The following ATP2C1 variants were observed in gnomAD, a reference collection of about 807,000 sequenced individuals.
ATP2C1 encodes ATPase secretory pathway Ca2+ transporting 1, also known as calcium-transporting ATPase type 2C member 1.
In ATP2C1, 31 loss-of-function variants were observed where a neutral mutation model predicts 120.5. The observed-to-expected ratio is 0.26, with a 90% CI of 0.19 to 0.35. The LOEUF (loss-of-function observed/expected upper bound fraction) is 0.35, where lower values mean the gene tolerates loss of function less well. Ranked by LOEUF, ATP2C1 falls within the 10% of genes least tolerant of loss-of-function variation. The probability of loss-of-function intolerance (pLI) is 1.00; values close to 1 mark genes in which losing one functional copy is unlikely to be tolerated. For synonymous variants in ATP2C1, 351 were observed against 358.7 expected, an observed-to-expected ratio of 0.98 and a Z score of 0.24; for missense variants, 731 against 1,107.5, an observed-to-expected ratio of 0.66 and a Z score of 4.83.
upstream of ATP2C1, among the ~76,000 whole-genome samples, chr3:130,892,411 A>G (rs938218624): frequency 8.5e-5 from 13 of 152,270 alleles, no homozygotes; most frequent in African/African-American, 3.1e-4. Context: ...CATTGTGTAG[A>G]CAAAAATCAC....
intron 20 of ATP2C1, among the ~76,000 whole-genome samples, chr3:130,989,583 A>T (rs889079799): frequency 7.0e-6 from 1 of 142,450 alleles, no homozygotes; most frequent in African/African-American, 2.6e-5. Context: ...AAAAAAAAAA[A>T]CACAAACCCT....
intron 17 of ATP2C1, among the ~76,000 whole-genome samples, chr3:130,972,789 T>A (rs1267675903): frequency 2.0e-5 from 3 of 151,750 alleles, no homozygotes; most frequent in African/African-American, 7.3e-5. Context: ...ACAAAGGACA[T>A]GAACTCATCA....
chr3:130,890,085 CATTT>C (rs2069120938), upstream of ATP2C1, among the ~76,000 whole-genome samples: 1 of 152,236 alleles, frequency 6.6e-6, no homozygotes, highest in South Asian at 2.1e-4. Flanking sequence ...TCAGGCTATC[CATTT>C]ATTTAATAGG....
chr3:130,969,057 A>C (rs1044200783), intron 16 of ATP2C1, among the ~76,000 whole-genome samples: 4 of 152,210 alleles, frequency 2.6e-5, no homozygotes, highest in African/African-American at 9.6e-5. Context: ...AGGTTTAGTC[A>C]GCGTACAATC....
chr3:131,006,822 C>G (rs1348812386), downstream of ATP2C1, among the ~76,000 whole-genome samples: 3 of 151,880 alleles, frequency 2.0e-5, no homozygotes, highest in Admixed American at 6.6e-5. Flanking sequence ...GCCACCATAC[C>G]TAGCTAATTT....
intron 12 of ATP2C1, among the ~76,000 whole-genome samples, chr3:130,961,157 A>C (rs1044178374): frequency 2.6e-5 from 4 of 151,966 alleles, no homozygotes; most frequent in Non-Finnish European, 5.9e-5. Context: ...GCCATGGGTT[A>C]AATATAAAAT....
At chr3:130,910,772 C>A in intron 2 of ATP2C1, among the ~76,000 whole-genome samples, 1 of 59,174 alleles carries the variant, frequency 1.7e-5, no homozygotes, top group Non-Finnish European at 3.7e-5. Flanking sequence ...GTATATTGAA[C>A]CAGCCTTGCA....
rs72628529 is a variant in ATP2C1 at position 130,948,964 on chromosome 3, T to C, written c.532-4857T>C. On this transcript the variant is annotated intron_variant, in intron 8 of 27. Transcript: ENST00000510168. ...TGTAATGAGTAAATGTTGCGTGTTT[T>C]CTACTGCTGCTCTGCCCGACTGCTC... is the stretch of plus-strand genomic sequence containing the variant. Among the ~76,000 whole-genome samples, 1,777 of 152,300 alleles carry C rather than the reference T, an allele frequency of 0.012. 138 individuals carry two copies. In the East Asian group the frequency reaches 0.21, roughly 18 times the overall value.
In ATP2C1 at chr3:130,918,987, G is replaced by A. The variant is rs191576369; in HGVS notation, c.7-11429G>A. On this transcript the variant is annotated intron_variant, in intron 2 of 27. Coordinates refer to ENST00000510168, the MANE Select transcript of ATP2C1 (RefSeq NM_001378687.1). ...AGCCTGGGCAACAGAGCAAGACTCCGTCTTAAACAAACAAACAAACAAACA... is the reference window on the plus strand; with the variant it reads ...AGCCTGGGCAACAGAGCAAGACTCCATCTTAAACAAACAAACAAACAAACA... The A allele has an allele frequency of 2.7e-3, 1,115 of 411,464 alleles. 4 individuals carry two copies. The highest frequency in any genetic ancestry group is 6.2e-3 in the Admixed American group (212 of 34,096). The allele number at this position is 411,464 out of a possible 1,614,324, so 25.5% of individuals were successfully genotyped here.
At chr3:130,906,295 C>T (rs1209682858) in intron 2 of ATP2C1, among the ~76,000 whole-genome samples, 1 of 151,994 alleles carries the variant, frequency 6.6e-6, no homozygotes, top group Non-Finnish European at 1.5e-5. Flanking sequence ...ATGGATTTGC[C>T]TGTTCTGGGT....
intron 2 of ATP2C1, among the ~76,000 whole-genome samples, chr3:130,921,751 AT>A (rs1559926047): frequency 6.6e-6 from 1 of 152,088 alleles, no homozygotes; most frequent in Admixed American, 6.6e-5. Context: ...ATATTAATAC[AT>A]TTTTTATATG....
chr3:130,860,403 CA>C (rs1394402804), intron 1 of ATP2C1, among the ~76,000 whole-genome samples: 1 of 152,200 alleles, frequency 6.6e-6, no homozygotes, highest in Non-Finnish European at 1.5e-5. Context: ...CTAAAGGTGG[CA>C]TATTAGTAAG....
At chr3:130,855,769 G>C (rs1181356418) in intron 1 of ATP2C1, 3 of 152,190 alleles carry the variant, frequency 2.0e-5, no homozygotes, top group Non-Finnish European at 4.4e-5. Context: ...AAGACGTTTT[G>C]ATGAGAGACT....
At chr3:130,950,386 T>G (rs2060320415) in intron 8 of ATP2C1, among the ~76,000 whole-genome samples, 1 of 152,152 alleles carries the variant, frequency 6.6e-6, no homozygotes, top group African/African-American at 2.4e-5. Context: ...CCTGATTCTT[T>G]GATTTCACTT....
At chr3:130,959,453 T>C (rs2060723414) in intron 12 of ATP2C1, 112 bp downstream of exon 12, 1 of 680,852 alleles carries the variant, frequency 1.5e-6, no homozygotes, top group Admixed American at 2.3e-5. Flanking sequence ...CATAAGAGTA[T>C]AACATCGCTA....
intron 17 of ATP2C1, among the ~76,000 whole-genome samples, chr3:130,973,492 T>TAC (rs2061418120): frequency 6.6e-6 from 1 of 152,120 alleles, no homozygotes; most frequent in African/African-American, 2.4e-5. Context: ...ACCTTATATA[T>TAC]ACCGTGTTTT....
At chr3:130,968,897 T>C (rs1329677202) in intron 16 of ATP2C1, among the ~76,000 whole-genome samples, 1 of 152,156 alleles carries the variant, frequency 6.6e-6, no homozygotes. Flanking sequence ...AGGTGAGCCA[T>C]TTGAGTCCCT....
chr3:130,987,467 A>G (rs2062074818), intron 20 of ATP2C1, among the ~76,000 whole-genome samples: 1 of 152,194 alleles, frequency 6.6e-6, no homozygotes, highest in Non-Finnish European at 1.5e-5. Context: ...AGTAGCTGGG[A>G]CTACTGGCAT....
chr3:130,956,259 A>G (rs1008758260), intron 11 of ATP2C1, 80 bp downstream of exon 11: 3 of 815,404 alleles, frequency 3.7e-6, no homozygotes, highest in African/African-American at 3.5e-5. Context: ...TTCTAGTTTT[A>G]TTTATTGGCT....
Sources: allele counts gnomAD v4.1 joint callset (sites outside exome capture counted in the v4.1 genomes callset), GRCh38; gene constraint gnomAD v4.1.1; transcripts MANE v1.5; gene names NCBI Gene and HGNC (gene_info 2026-07-23, HGNC 2026-07-21).